VIPAS39: variants seen among roughly 807,000 people sequenced by gnomAD.
VIPAS39 encodes the protein spermatogenesis-defective protein 39 homolog.
A neutral mutation model predicts 84.7 loss-of-function variants in VIPAS39; 63 were observed. The ratio of observed to expected loss-of-function variants is 0.74; its 90% CI spans 0.61 to 0.92. VIPAS39 has a LOEUF of 0.92. Ranked by LOEUF, VIPAS39 falls within the 40% of genes least tolerant of loss-of-function variation. The probability of loss-of-function intolerance (pLI) is 0.00; values close to 1 mark genes in which losing one functional copy is unlikely to be tolerated. For synonymous variants in VIPAS39, 192 were observed against 216.5 expected (o/e 0.89, Z 0.99); for missense variants, 499 against 604.5 (o/e 0.83, Z 1.83).
At chr14:77,433,819 C>G in intron 16 of VIPAS39, 23 bp downstream of exon 16, 1 of 1,611,328 alleles carries the variant, frequency 6.2e-7, no homozygotes, top group Non-Finnish European at 8.5e-7. Flanking sequence ...AAGGCCTCAG[C>G]AGCACAGGGG....
chr14:77,444,018 G>A (rs1333488706), intron 8 of VIPAS39, among the ~76,000 whole-genome samples: 1 of 145,024 alleles, frequency 6.9e-6, no homozygotes, highest in Admixed American at 7.0e-5. Context: ...TTCAACCTGG[G>A]CAACAGAGCA....
intron 3 of VIPAS39, among the ~76,000 whole-genome samples, chr14:77,452,808 G>T (rs1209695773): frequency 6.7e-6 from 1 of 150,256 alleles, no homozygotes; most frequent in Admixed American, 6.6e-5. Context: ...AAATCAAATG[G>T]ACTCTGAAAA....
rs559641305 is a variant in VIPAS39 at position 77,439,764 on chromosome 14, G to A, written c.762+1302C>T. 2.6e-3 allele frequency among the ~76,000 whole-genome samples: 378 copies of A among 145,250 alleles called. 2 individuals carry two copies. The highest frequency in any genetic ancestry group is 8.1e-3 in the African/African-American group (320 of 39,606). ...GCACCACTGTACTCCAGCCTGTCTCGAAAAAAAAAAACCATGTTTCTGAAA... is the reference window on the plus strand; with the variant it reads ...GCACCACTGTACTCCAGCCTGTCTCAAAAAAAAAAAACCATGTTTCTGAAA... On this transcript the variant is annotated intron_variant, in intron 11 of 19. Coordinates refer to ENST00000557658, the MANE Select transcript of VIPAS39 (RefSeq NM_001193315.2).
intron 7 of VIPAS39, among the ~76,000 whole-genome samples, chr14:77,447,338 ATT>A (rs57819334): frequency 6.8e-6 from 1 of 146,414 alleles, no homozygotes; most frequent in Admixed American, 6.8e-5. Flanking sequence ...CACCTGGCTA[ATT>A]TTTTTTTTTT....
At chr14:77,432,935 G>A (rs1378607443) in intron 16 of VIPAS39, among the ~76,000 whole-genome samples, 1 of 151,976 alleles carries the variant, frequency 6.6e-6, no homozygotes, top group Non-Finnish European at 1.5e-5. Flanking sequence ...TGGGTTAATT[G>A]GCATGACTGT....
chr14:77,431,156 G>C (rs1470004423), intron 16 of VIPAS39, among the ~76,000 whole-genome samples: 1 of 152,138 alleles, frequency 6.6e-6, no homozygotes, highest in Non-Finnish European at 1.5e-5. Context: ...TCACACCAAA[G>C]GCTCAGGCTA....
At chr14:77,442,184 T>C (rs1013286828) in intron 10 of VIPAS39, among the ~76,000 whole-genome samples, 1 of 152,244 alleles carries the variant, frequency 6.6e-6, no homozygotes, top group Non-Finnish European at 1.5e-5. Flanking sequence ...CTAGGTATTA[T>C]GCTAAGTGCT....
At chr14:77,432,378 T>C (rs1012729629) in intron 16 of VIPAS39, among the ~76,000 whole-genome samples, 11 of 152,168 alleles carry the variant, frequency 7.2e-5, no homozygotes, top group Non-Finnish European at 1.6e-4. Flanking sequence ...TCAAAAATGT[T>C]TAAACAGAAC....
chr14:77,429,093 T>C lies in VIPAS39; in HGVS notation c.1269A>G (p.Ile423Met), dbSNP rs1359230469. The change falls in exon 18 of 20, where the codon ATA becomes ATG. Residue 423 changes from isoleucine to methionine, a missense_variant and splice_region_variant. By Grantham distance (10) the Ile-to-Met change is conservative (BLOSUM62 1). Transcript: ENST00000557658. ...ILHKNNAPVQ[I>M]LQEYVNLVED... ...CCACCAGATTGACATACTCCTGTAATATCTGTGGGAAGAGGTACTTCCGAT... is the reference window on the plus strand; with the variant it reads ...CCACCAGATTGACATACTCCTGTAACATCTGTGGGAAGAGGTACTTCCGAT... 1.2e-6 allele frequency: 2 copies of C among 1,613,496 alleles called. No homozygotes were observed. Among genetic ancestry groups the C allele is most frequent in the Admixed American group, 1.7e-5 (1 of 60,022 alleles).
At chr14:77,437,771 G>T in intron 12 of VIPAS39, 37 bp downstream of exon 12, 1 of 1,592,790 alleles carries the variant, frequency 6.3e-7, no homozygotes. Context: ...CTGGGTAAAG[G>T]TATTTATACT....
intron 1 of VIPAS39, among the ~76,000 whole-genome samples, chr14:77,454,675 C>A (rs374243002): frequency 2.5e-3 from 308 of 124,798 alleles, no homozygotes; most frequent in Admixed American, 3.1e-3. Flanking sequence ...ACTCCGTCTC[C>A]AAAAAAAAAA....
intron 15 of VIPAS39, 121 bp downstream of exon 15, chr14:77,434,141 A>G: frequency 8.0e-7 from 1 of 1,256,794 alleles, no homozygotes; most frequent in Non-Finnish European, 1.2e-6. Flanking sequence ...TCCCAAACTC[A>G]TTCCTTTCCA....
At chr14:77,430,098 T>C (rs2078497361) in intron 16 of VIPAS39, among the ~76,000 whole-genome samples, 1 of 152,176 alleles carries the variant, frequency 6.6e-6, no homozygotes, top group Non-Finnish European at 1.5e-5. Flanking sequence ...TCTTTGTAAG[T>C]ACAGATGTTT....
intron 18 of VIPAS39, 53 bp from the exon 19 acceptor site, chr14:77,428,527 C>T (rs1228090242): frequency 6.4e-7 from 1 of 1,555,444 alleles, no homozygotes; most frequent in African/African-American, 1.4e-5. Flanking sequence ...GTACAGGGTT[C>T]TTTTTGCCCA....
Position 77,442,557 on chromosome 14 carries a change from T to G in VIPAS39, c.734+3A>C. 6.2e-7 allele frequency: 1 copy of G among 1,611,934 alleles called. No homozygotes were observed. The highest frequency in any genetic ancestry group is 1.1e-5 in the South Asian group (1 of 91,028). ...CTTTATAGACCAGATGATCAGTTCTTACCTGAAGAGGTCTAAAAGCAACTT... is the reference window on the plus strand; with the variant it reads ...CTTTATAGACCAGATGATCAGTTCTGACCTGAAGAGGTCTAAAAGCAACTT... On this transcript the variant is annotated splice_donor_region_variant and intron_variant, in intron 10 of 19. Transcript: ENST00000557658.
intron 7 of VIPAS39, among the ~76,000 whole-genome samples, chr14:77,446,932 C>T (rs2078799524): frequency 6.6e-6 from 1 of 151,836 alleles, no homozygotes; most frequent in Admixed American, 6.6e-5. Flanking sequence ...CCATCTCAGC[C>T]TCTCAAGCAA....
intron 4 of VIPAS39, 149 bp downstream of exon 4, chr14:77,451,038 A>G (rs902299262): frequency 8.9e-7 from 1 of 1,118,050 alleles, no homozygotes; most frequent in Non-Finnish European, 1.3e-6. Flanking sequence ...TCTCTCATTT[A>G]TCTCGCTCCT....
intron 12 of VIPAS39, 147 bp from the exon 13 acceptor site, chr14:77,436,066 A>G: frequency 1.3e-6 from 1 of 797,470 alleles, no homozygotes; most frequent in South Asian, 1.4e-5. Flanking sequence ...CCTTAAAGAA[A>G]GACATCGCAT....
intron 7 of VIPAS39, among the ~76,000 whole-genome samples, chr14:77,445,015 G>A (rs1363215419): frequency 1.3e-5 from 2 of 150,916 alleles, no homozygotes; most frequent in Admixed American, 1.3e-4. Flanking sequence ...TTGGAGTGCA[G>A]TGGCGCAATC....
Sources: gnomAD v4.1 joint callset for allele counts (sites outside exome capture counted in the v4.1 genomes callset) on GRCh38, gnomAD v4.1.1 for gene constraint, MANE v1.5 for transcripts, NCBI Gene and HGNC (gene_info 2026-07-23, HGNC 2026-07-21) for gene names.